The following CCDC60 variants were observed in gnomAD, a reference collection of about 807,000 sequenced individuals.
CCDC60 encodes the protein coiled-coil domain-containing protein 60.
CCDC60 carries 54 observed loss-of-function variants against 63.5 expected under a neutral mutation model. The ratio of observed to expected loss-of-function variants is 0.85; its 90% confidence interval spans 0.68 to 1.07. CCDC60 has a LOEUF of 1.07. CCDC60 is among the 50% of genes least tolerant of loss of function. The pLI is 0.00. For missense variants in CCDC60, 651 were observed against 684.3 expected (o/e 0.95, Z 0.54); for synonymous variants, 206 against 238.8 (o/e 0.86, Z 1.27).
chr12:119,465,440 G>A (rs1950935472), intron 2 of CCDC60, among the ~76,000 whole-genome samples: 1 of 151,950 alleles, frequency 6.6e-6, no homozygotes, highest in Non-Finnish European at 1.5e-5. Context: ...TTATGACTTT[G>A]ACTGTAACTT....
intron 1 of CCDC60, among the ~76,000 whole-genome samples, chr12:119,403,321 T>A (rs1209343930): frequency 6.6e-6 from 1 of 152,060 alleles, no homozygotes; most frequent in East Asian, 1.9e-4. Context: ...CGAAGCCACA[T>A]GGATGGAAGG....
chr12:119,516,588 T>C, intron 7 of CCDC60, 35 bp from the exon 8 acceptor site: 1 of 1,507,680 alleles, frequency 6.6e-7, no homozygotes, highest in Non-Finnish European at 9.2e-7. Context: ...CAGGGGTGGC[T>C]TCTGGTCAAG....
chr12:119,530,275 T>C (rs1952803472), intron 12 of CCDC60, among the ~76,000 whole-genome samples: 1 of 151,528 alleles, frequency 6.6e-6, no homozygotes, highest in African/African-American at 2.4e-5. Flanking sequence ...GAGTTTTTTT[T>C]TTTTTAAGAG....
chr12:119,340,330 G>A (rs1308067959), intron 1 of CCDC60, among the ~76,000 whole-genome samples: 1 of 152,104 alleles, frequency 6.6e-6, no homozygotes, highest in Non-Finnish European at 1.5e-5. Context: ...CCACCATTAC[G>A]GCGTTGTTTA....
chr12:119,457,719 G>GGT (rs1451216406), intron 2 of CCDC60, among the ~76,000 whole-genome samples: 1 of 150,946 alleles, frequency 6.6e-6, no homozygotes. Context: ...TGGTTGGCGG[G>GGT]GGGGAGAATA....
intron 9 of CCDC60, among the ~76,000 whole-genome samples, chr12:119,521,774 G>A (rs933456695): frequency 6.6e-6 from 1 of 152,176 alleles, no homozygotes; most frequent in African/African-American, 2.4e-5. Flanking sequence ...CAAAGCTCTT[G>A]AAAAGAAGAG....
intron 13 of CCDC60, among the ~76,000 whole-genome samples, chr12:119,538,314 A>G (rs952519323): frequency 5.3e-5 from 8 of 152,230 alleles, no homozygotes; most frequent in Non-Finnish European, 7.3e-5. Context: ...TTCCAGGTAC[A>G]GTCTGTCCCG....
chr12:119,464,157 T>C (rs1950908778), intron 2 of CCDC60, among the ~76,000 whole-genome samples: 1 of 144,760 alleles, frequency 6.9e-6, no homozygotes, highest in Admixed American at 7.0e-5. Flanking sequence ...AAAGGAAAGC[T>C]GAAGTTCCTG....
intron 13 of CCDC60, among the ~76,000 whole-genome samples, chr12:119,535,320 T>C (rs1174969094): frequency 6.6e-6 from 1 of 152,218 alleles, no homozygotes; most frequent in African/African-American, 2.4e-5. Flanking sequence ...TCTTTGTTAC[T>C]CTTGCTAGCA....
At chr12:119,385,554 A>G in intron 1 of CCDC60, among the ~76,000 whole-genome samples, 1 of 152,186 alleles carries the variant, frequency 6.6e-6, no homozygotes, top group East Asian at 1.9e-4. Flanking sequence ...GCCTTCCATC[A>G]TGATTGTGAG....
intron 2 of CCDC60, among the ~76,000 whole-genome samples, chr12:119,449,567 T>G (rs953268460): frequency 1.3e-5 from 2 of 152,226 alleles, no homozygotes; most frequent in Non-Finnish European, 2.9e-5. Flanking sequence ...TGTATTTAAT[T>G]AGCATTAAAT....
chr12:119,507,612 A>AT (rs1271195617), intron 7 of CCDC60, among the ~76,000 whole-genome samples: 1,020 of 45,390 alleles, frequency 0.022, 155 homozygotes, highest in Non-Finnish European at 0.033. Context: ...ATATATATAT[A>AT]TATTTTTTTT....
At chr12:119,445,934 G>A (rs765707905) in intron 2 of CCDC60, among the ~76,000 whole-genome samples, 9 of 152,172 alleles carry the variant, frequency 5.9e-5, no homozygotes, top group South Asian at 2.1e-4. Context: ...GGATGGGGAC[G>A]GGGGGTGAGG....
intron 1 of CCDC60, among the ~76,000 whole-genome samples, chr12:119,371,254 G>A (rs1459346693): frequency 2.0e-5 from 3 of 152,086 alleles, no homozygotes; most frequent in African/African-American, 7.2e-5. Flanking sequence ...AGATACTTGA[G>A]ATAATTAATA....
chr12:119,471,754 T>A (rs574622737), intron 2 of CCDC60, among the ~76,000 whole-genome samples: 26 of 152,180 alleles, frequency 1.7e-4, no homozygotes, highest in Admixed American at 9.8e-4. Context: ...AAGAGTCAAC[T>A]CATCTTTTTT....
chr12:119,353,492 GTC>G (rs5801333), intron 1 of CCDC60, among the ~76,000 whole-genome samples: 3 of 150,848 alleles, frequency 2.0e-5, no homozygotes, highest in Admixed American at 1.3e-4. Flanking sequence ...CTCTGTCTCT[GTC>G]TCTCTGTCTC....
intron 5 of CCDC60, among the ~76,000 whole-genome samples, chr12:119,497,712 C>A (rs1474498594): frequency 6.6e-6 from 1 of 150,752 alleles, no homozygotes; most frequent in African/African-American, 2.4e-5. Context: ...AAGGGAAATG[C>A]GAAAAGCCCT....
At chr12:119,423,923 T>C (rs551107351) in intron 1 of CCDC60, among the ~76,000 whole-genome samples, 2 of 152,320 alleles carry the variant, frequency 1.3e-5, no homozygotes, top group South Asian at 4.1e-4. Context: ...CATTAAACAT[T>C]TCTACTTTGC....
chr12:119,513,660 C>G (rs890023395), intron 7 of CCDC60, among the ~76,000 whole-genome samples: 1 of 152,258 alleles, frequency 6.6e-6, no homozygotes, highest in Admixed American at 6.5e-5. Flanking sequence ...AACAATGGAC[C>G]ACATATACGA....
Sources: allele counts gnomAD v4.1 joint callset (sites outside exome capture counted in the v4.1 genomes callset), GRCh38; gene constraint gnomAD v4.1.1; transcripts MANE v1.5; gene names NCBI Gene and HGNC (gene_info 2026-07-23, HGNC 2026-07-21).